The following GRIN2A variants were observed in gnomAD, a reference collection of about 807,000 sequenced individuals.
The protein encoded by GRIN2A is glutamate receptor ionotropic, NMDA 2A.
A neutral mutation model predicts 113.4 loss-of-function variants in GRIN2A; 22 were observed. The ratio of observed to expected loss-of-function variants is 0.19; its 90% confidence interval spans 0.14 to 0.28. GRIN2A has a LOEUF of 0.28. Ranked by LOEUF, GRIN2A falls within the 10% of genes least tolerant of loss-of-function variation. The pLI is 1.00. For missense variants in GRIN2A, 1,502 were observed against 1,887.0 expected (o/e 0.80, Z 3.78); for synonymous variants, 827 against 738.4 (o/e 1.12, Z -1.94).
chr16:9,847,996 TA>T (rs1227045774), intron 5 of GRIN2A, among the ~76,000 whole-genome samples: 1 of 146,530 alleles, frequency 6.8e-6, no homozygotes, highest in Admixed American at 6.8e-5. Context: ...TTTTAATATA[TA>T]AAAATATATT....
Position 10,009,502 on chromosome 16 carries a change from C to T in GRIN2A, c.415-70951G>A, listed in dbSNP as rs1220092879. On this transcript the variant is annotated intron_variant, in intron 2 of 12. Transcript: ENST00000330684. The stretch of plus-strand genomic sequence containing the variant: ...CATAAGTGCCCTTTTATTTGTGATT[C>T]GGCTCAATTCCCAAGGACGGCACAA... Among the ~76,000 whole-genome samples, 5 of 152,150 alleles carry T rather than the reference C, an allele frequency of 3.3e-5. 1 individual carries two copies. In the South Asian group the frequency reaches 8.3e-4, roughly 25 times the overall value.
intron 2 of GRIN2A, among the ~76,000 whole-genome samples, chr16:9,977,782 G>C (rs1053245124): frequency 2.0e-5 from 3 of 152,088 alleles, no homozygotes; most frequent in Admixed American, 1.3e-4. Context: ...AATTCGGTCG[G>C]CTTTTCCTTG....
chr16:9,854,475 G>T (rs2042935742), intron 4 of GRIN2A, among the ~76,000 whole-genome samples: 1 of 152,070 alleles, frequency 6.6e-6, no homozygotes, highest in South Asian at 2.1e-4. Context: ...CTGTCATATT[G>T]TTTCTGCTTG....
intron 11 of GRIN2A, among the ~76,000 whole-genome samples, chr16:9,771,096 CAGTGTT>C (rs564487896): frequency 6.6e-6 from 1 of 152,074 alleles, no homozygotes; most frequent in Non-Finnish European, 1.5e-5. Flanking sequence ...TTTTCATTGT[CAGTGTT>C]AGTGTTAGTG....
At chr16:10,147,559 C>A (rs1420539435) in intron 2 of GRIN2A, among the ~76,000 whole-genome samples, 1 of 150,758 alleles carries the variant, frequency 6.6e-6, no homozygotes, top group Non-Finnish European at 1.5e-5. Flanking sequence ...TCTCTTGAGC[C>A]TGGTAGGGCA....
intron 2 of GRIN2A, among the ~76,000 whole-genome samples, chr16:10,030,027 T>C (rs1473466874): frequency 1.3e-5 from 2 of 151,778 alleles, no homozygotes; most frequent in Non-Finnish European, 2.9e-5. Context: ...TAAAAGTATA[T>C]ATATACAAAA....
At chr16:10,038,614 C>T (rs1249165425) in intron 2 of GRIN2A, among the ~76,000 whole-genome samples, 8 of 151,826 alleles carry the variant, frequency 5.3e-5, no homozygotes, top group Non-Finnish European at 1.2e-4. Context: ...GAGGCCGAGG[C>T]GGGCAGATCA....
intron 11 of GRIN2A, among the ~76,000 whole-genome samples, chr16:9,778,574 T>C (rs1901748748): frequency 6.6e-6 from 1 of 152,230 alleles, no homozygotes; most frequent in Non-Finnish European, 1.5e-5. Flanking sequence ...CCGTGCTGTT[T>C]TGAGAGCCAC....
intron 3 of GRIN2A, among the ~76,000 whole-genome samples, chr16:9,896,523 C>T (rs2043810826): frequency 6.6e-6 from 1 of 152,178 alleles, no homozygotes; most frequent in Non-Finnish European, 1.5e-5. Flanking sequence ...GAGACGCAAA[C>T]ACTGTTCTTC....
intron 4 of GRIN2A, among the ~76,000 whole-genome samples, chr16:9,887,033 A>G (rs2043598804): frequency 6.6e-6 from 1 of 152,038 alleles, no homozygotes; most frequent in East Asian, 1.9e-4. Context: ...GATTACAGGC[A>G]CCACCACCAT....
intron 5 of GRIN2A, among the ~76,000 whole-genome samples, chr16:9,845,028 G>A (rs1310793295): frequency 1.3e-5 from 2 of 152,092 alleles, no homozygotes; most frequent in Non-Finnish European, 2.9e-5. Flanking sequence ...CCTCAAAGAC[G>A]TTCCCTATAG....
chr16:9,907,535 T>C (rs1186752651), intron 3 of GRIN2A, among the ~76,000 whole-genome samples: 1 of 152,160 alleles, frequency 6.6e-6, no homozygotes, highest in Non-Finnish European at 1.5e-5. Flanking sequence ...TGAATCCTGA[T>C]TGCAGTCATG....
chr16:9,760,794 C>T lies in GRIN2A; in HGVS notation c.*2355G>A. 4.3e-6 allele frequency: 1 copy of T among 230,570 alleles called. No individual in the cohort carries two copies. Among genetic ancestry groups the T allele is most frequent in the Non-Finnish European group, 8.6e-6 (1 of 116,406 alleles). The allele number at this position is 230,570 out of a possible 1,614,324, so 14.3% of individuals were successfully genotyped here. On this transcript the variant is annotated 3_prime_UTR_variant, in exon 13 of 13. Transcript: ENST00000330684. The stretch of plus-strand genomic sequence containing the variant: ...TGTATTCTGGGAAGACTTTTTAATT[C>T]ATTCATGTCAAAACATCCCAGACTC...
At chr16:9,948,589 A>G (rs2045083074) in intron 2 of GRIN2A, among the ~76,000 whole-genome samples, 1 of 152,118 alleles carries the variant, frequency 6.6e-6, no homozygotes, top group African/African-American at 2.4e-5. Context: ...TAACATTCTC[A>G]CCACCGTGTG....
At chr16:9,973,740 TAC>T (rs1402671226) in intron 2 of GRIN2A, among the ~76,000 whole-genome samples, 1 of 152,048 alleles carries the variant, frequency 6.6e-6, no homozygotes, top group African/African-American at 2.4e-5. Context: ...GATTAGAAAC[TAC>T]AGAGTCCAGA....
At chr16:10,024,217 T>C (rs1041375076) in intron 2 of GRIN2A, among the ~76,000 whole-genome samples, 3 of 147,786 alleles carry the variant, frequency 2.0e-5, no homozygotes, top group African/African-American at 7.8e-5. Flanking sequence ...ATTAATGGTA[T>C]GCATGTTTGT....
chr16:10,087,983 C>T (rs1387350675), intron 2 of GRIN2A, among the ~76,000 whole-genome samples: 2 of 151,868 alleles, frequency 1.3e-5, no homozygotes, highest in East Asian at 3.9e-4. Context: ...AGCCACCACG[C>T]CTGGCCTTAG....
intron 11 of GRIN2A, among the ~76,000 whole-genome samples, chr16:9,791,949 G>A (rs1902630754): frequency 6.6e-6 from 1 of 152,068 alleles, no homozygotes; most frequent in Non-Finnish European, 1.5e-5. Flanking sequence ...ATTGCAGGAA[G>A]TTTCCTTATT....
intron 12 of GRIN2A, among the ~76,000 whole-genome samples, chr16:9,766,211 T>C (rs988972283): frequency 2.0e-5 from 3 of 152,234 alleles, no homozygotes; most frequent in African/African-American, 7.2e-5. Flanking sequence ...TGGCAGTGGC[T>C]GCTGACTTTG....
Sources: allele counts gnomAD v4.1 joint callset (sites outside exome capture counted in the v4.1 genomes callset), GRCh38; gene constraint gnomAD v4.1.1; transcripts MANE v1.5; gene names NCBI Gene and HGNC (gene_info 2026-07-23, HGNC 2026-07-21).